The following ARL14EPL variants were observed in gnomAD, a reference collection of about 807,000 sequenced individuals.
ARL14EPL encodes ARL14 effector protein-like.
A neutral mutation model predicts 15.9 loss-of-function variants in ARL14EPL; 17 were observed. That is an observed-to-expected ratio of 1.07 (90% confidence interval 0.73 to 1.60). ARL14EPL has a LOEUF of 1.60. Among genes scored for constraint, ARL14EPL ranks in the 40% most tolerant of loss-of-function variants. ARL14EPL has a pLI of 0.00. For synonymous variants in ARL14EPL, 78 were observed against 63.8 expected, an observed-to-expected ratio of 1.22 and a Z score of -1.06; for missense variants, 214 against 185.9, an observed-to-expected ratio of 1.15 and a Z score of -0.88.
rs76511851 is a variant in ARL14EPL at position 116,041,053 on chromosome 5, A to G, written c.-10+8548A>G. Reference sequence around the variant, plus strand: ...TATTTTTTAGAGAGGTTTTAGTTTTATAGTAAAATTGAACAAAAAGCACAG... The same window carrying G: ...TATTTTTTAGAGAGGTTTTAGTTTTGTAGTAAAATTGAACAAAAAGCACAG... On this transcript the variant is annotated intron_variant, in intron 1 of 3. Transcript: ENST00000686077. Among the ~76,000 whole-genome samples the G allele has an allele frequency of 4.9e-3, 731 of 149,530 alleles. 11 individuals carry two copies. Among genetic ancestry groups the G allele is most frequent in the African/African-American group, 0.017 (687 of 40,920 alleles).
chr5:116,048,738 A>G (rs1237259759), intron 1 of ARL14EPL, among the ~76,000 whole-genome samples: 1 of 152,138 alleles, frequency 6.6e-6, no homozygotes, highest in Non-Finnish European at 1.5e-5. Context: ...AAGTGTGGGT[A>G]TGACAGAAGA....
At chr5:116,040,841 C>A (rs1403833008) in intron 1 of ARL14EPL, among the ~76,000 whole-genome samples, 1 of 147,944 alleles carries the variant, frequency 6.8e-6, no homozygotes, top group Non-Finnish European at 1.5e-5. Flanking sequence ...ATTAGTCGGG[C>A]GTGGTGGCGG....
intron 1 of ARL14EPL, among the ~76,000 whole-genome samples, chr5:116,038,741 G>A (rs2112667099): frequency 1.3e-5 from 2 of 152,244 alleles, no homozygotes; most frequent in Middle Eastern, 6.8e-3. Context: ...AAAATTCAAT[G>A]CACTGAGGAA....
intron 1 of ARL14EPL, among the ~76,000 whole-genome samples, chr5:116,044,264 A>G (rs1226378593): frequency 6.6e-6 from 1 of 152,156 alleles, no homozygotes; most frequent in Non-Finnish European, 1.5e-5. Flanking sequence ...TCACGAGTGA[A>G]CAGAGCAAGT....
rs1459724995 is a variant in ARL14EPL at position 116,045,180 on chromosome 5, A to C, written c.-9-6277A>C. 2.0e-5 allele frequency among the ~76,000 whole-genome samples: 3 copies of C among 152,220 alleles called. No individual in the cohort carries two copies. The East Asian group carries it at 5.8e-4, about 29-fold the overall frequency. ...TATTCGTGTGTTATGCTTAAGAGTG[A>C]AAGATAATTGGAGTTCCTTTAATTC... On this transcript the variant is annotated intron_variant, in intron 1 of 3. Transcript: ENST00000686077.
chr5:116,043,219 GC>G (rs570551343), intron 1 of ARL14EPL, among the ~76,000 whole-genome samples: 1,839 of 148,482 alleles, frequency 0.012, 13 homozygotes, highest in Non-Finnish European at 0.017. Flanking sequence ...GAAAGTAATG[GC>G]AAAAACTGCA....
chr5:116,044,980 G>A (rs779080166), intron 1 of ARL14EPL, among the ~76,000 whole-genome samples: 20 of 152,020 alleles, frequency 1.3e-4, no homozygotes, highest in East Asian at 3.9e-4. Flanking sequence ...CTACTAGTTC[G>A]TCTTCATGAG....
intron 1 of ARL14EPL, among the ~76,000 whole-genome samples, chr5:116,048,857 A>G (rs1017151125): frequency 5.9e-5 from 9 of 152,172 alleles, no homozygotes; most frequent in Non-Finnish European, 1.2e-4. Context: ...TAGGAATGAG[A>G]TAAAGAGATT....
At chr5:116,053,358 A>AG (rs1749438347) in intron 2 of ARL14EPL, among the ~76,000 whole-genome samples, 1 of 149,242 alleles carries the variant, frequency 6.7e-6, no homozygotes, top group Non-Finnish European at 1.5e-5. Context: ...TCTCAAAAAA[A>AG]AAAAGAAAAG....
intron 1 of ARL14EPL, among the ~76,000 whole-genome samples, chr5:116,033,469 A>C (rs1399864392): frequency 1.3e-5 from 2 of 152,196 alleles, no homozygotes; most frequent in African/African-American, 2.4e-5. Flanking sequence ...CATTAAATGC[A>C]TTTTCAACTT....
intron 2 of ARL14EPL, chr5:116,052,000 A>G: frequency 6.2e-7 from 1 of 1,611,416 alleles, no homozygotes; most frequent in Non-Finnish European, 8.5e-7. Flanking sequence ...CCAGTTTGAT[A>G]AGTCCTTTAC....
intron 1 of ARL14EPL, among the ~76,000 whole-genome samples, chr5:116,050,773 G>C (rs1317462278): frequency 1.5e-5 from 2 of 134,178 alleles, no homozygotes; most frequent in African/African-American, 5.7e-5. Context: ...CATATTGTAT[G>C]GGCTCCATCT....
chr5:116,047,661 GTTCC>G (rs1749298699), intron 1 of ARL14EPL, among the ~76,000 whole-genome samples: 1 of 152,334 alleles, frequency 6.6e-6, no homozygotes, highest in Non-Finnish European at 1.5e-5. Flanking sequence ...CTGAGCATGT[GTTCC>G]TTCCTTCTGG....
At chr5:116,033,460 A>G (rs1214137311) in intron 1 of ARL14EPL, among the ~76,000 whole-genome samples, 3 of 152,228 alleles carry the variant, frequency 2.0e-5, no homozygotes, top group African/African-American at 7.2e-5. Flanking sequence ...TGTTTGGTGC[A>G]TTAAATGCAT....
intron 1 of ARL14EPL, among the ~76,000 whole-genome samples, chr5:116,036,652 T>A (rs926438304): frequency 6.6e-6 from 1 of 152,218 alleles, no homozygotes; most frequent in Non-Finnish European, 1.5e-5. Flanking sequence ...CCTAAGGATA[T>A]TTTATTGATA....
At chr5:116,042,092 A>G (rs986937007) in intron 1 of ARL14EPL, among the ~76,000 whole-genome samples, 8 of 152,054 alleles carry the variant, frequency 5.3e-5, no homozygotes, top group African/African-American at 1.4e-4. Flanking sequence ...TGGCCTCCCA[A>G]TGTGCTGTGA....
chr5:116,046,451 G>T (rs1256971966), intron 1 of ARL14EPL, among the ~76,000 whole-genome samples: 1 of 152,006 alleles, frequency 6.6e-6, no homozygotes, highest in Non-Finnish European at 1.5e-5. Context: ...AAACGTATGA[G>T]TCATTTTGCC....
intron 1 of ARL14EPL, among the ~76,000 whole-genome samples, chr5:116,044,693 T>G (rs1749231336): frequency 6.6e-6 from 1 of 152,112 alleles, no homozygotes; most frequent in Non-Finnish European, 1.5e-5. Flanking sequence ...ACTCTCATAA[T>G]CCGATTTCAT....
At chr5:116,036,701 T>C (rs1231279223) in intron 1 of ARL14EPL, among the ~76,000 whole-genome samples, 1 of 152,202 alleles carries the variant, frequency 6.6e-6, no homozygotes, top group Non-Finnish European at 1.5e-5. Flanking sequence ...CCTAGAAATA[T>C]GCTTACATGT....
Sources: gnomAD v4.1 joint callset for allele counts (sites outside exome capture counted in the v4.1 genomes callset) on GRCh38, gnomAD v4.1.1 for gene constraint, MANE v1.5 for transcripts, NCBI Gene and HGNC (gene_info 2026-07-23, HGNC 2026-07-21) for gene names.